The following GPC5 variants were observed in gnomAD, a reference collection of about 807,000 sequenced individuals.
GPC5 encodes glypican-5.
Under a neutral mutation model 53.9 loss-of-function variants are expected in GPC5, and 47 were observed. The ratio of observed to expected loss-of-function variants is 0.87; its 90% CI spans 0.69 to 1.11. The LOEUF (loss-of-function observed/expected upper bound fraction) is 1.11, where lower values mean the gene tolerates loss of function less well. Ranked by LOEUF, GPC5 falls within the 50% of genes most tolerant of loss-of-function variation. GPC5 has a pLI of 0.00. For missense variants in GPC5, 748 were observed against 713.1 expected, an observed-to-expected ratio of 1.05 and a Z score of -0.56; for synonymous variants, 286 against 263.3, an observed-to-expected ratio of 1.09 and a Z score of -0.84.
At chr13:92,600,095 A>C (rs562229894) in intron 7 of GPC5, among the ~76,000 whole-genome samples, 1 of 152,142 alleles carries the variant, frequency 6.6e-6, no homozygotes, top group Non-Finnish European at 1.5e-5. Context: ...TTTTTTATTT[A>C]ATATTTTCTT....
At chr13:92,286,461 A>C (rs12874528) in intron 7 of GPC5, among the ~76,000 whole-genome samples, 12,993 of 152,154 alleles carry the variant, frequency 0.085, 613 homozygotes, top group Middle Eastern at 0.12. Context: ...CACTATTCAC[A>C]ATAGCAAAGA....
chr13:92,625,804 A>T (rs1421864067), intron 7 of GPC5, among the ~76,000 whole-genome samples: 1 of 152,212 alleles, frequency 6.6e-6, no homozygotes, highest in South Asian at 2.1e-4. Context: ...AGGACACATT[A>T]TCTAAGCTTT....
intron 7 of GPC5, among the ~76,000 whole-genome samples, chr13:92,556,879 GTA>G (rs1483195881): frequency 2.6e-4 from 39 of 151,868 alleles, no homozygotes; most frequent in Middle Eastern, 3.4e-3. Context: ...GATAGTCTAT[GTA>G]TTATAGTCTG....
intron 2 of GPC5, among the ~76,000 whole-genome samples, chr13:91,541,939 C>G (rs12583138): frequency 0.44 from 66,450 of 150,590 alleles, 17,934 homozygotes; most frequent in East Asian, 0.7. Flanking sequence ...CTATGTTATT[C>G]TAGTTTACGA....
At chr13:92,816,613 G>T (rs1019403636) in intron 7 of GPC5, among the ~76,000 whole-genome samples, 1 of 151,940 alleles carries the variant, frequency 6.6e-6, no homozygotes, top group Non-Finnish European at 1.5e-5. Context: ...TGTTCTATAC[G>T]TTAGTCAGTG....
intron 7 of GPC5, among the ~76,000 whole-genome samples, chr13:92,527,243 A>AAG (rs1275649268): frequency 1.5e-3 from 56 of 36,634 alleles, no homozygotes; most frequent in African/African-American, 5.4e-3. Context: ...GAAAGAAAGA[A>AAG]AGAAAGAGAA....
intron 7 of GPC5, among the ~76,000 whole-genome samples, chr13:92,584,094 T>C (rs1883458685): frequency 6.6e-6 from 1 of 152,142 alleles, no homozygotes. Flanking sequence ...ATACAGTACA[T>C]TGGTACCAGT....
intron 7 of GPC5, among the ~76,000 whole-genome samples, chr13:92,573,976 A>T (rs1883114049): frequency 6.6e-6 from 1 of 152,114 alleles, no homozygotes; most frequent in South Asian, 2.1e-4. Flanking sequence ...CAGCAATCGC[A>T]CCTTCTCCAA....
intron 5 of GPC5, among the ~76,000 whole-genome samples, chr13:91,792,895 A>G (rs2037989650): frequency 6.6e-6 from 1 of 152,162 alleles, no homozygotes; most frequent in Non-Finnish European, 1.5e-5. Context: ...GAATATCACT[A>G]TACTAAGGAC....
rs1390517051 is a variant in GPC5 at position 92,166,548 on chromosome 13, GTA to G, written c.1561+21560_1561+21561del. Among the ~76,000 whole-genome samples, 244 of 140,918 alleles carry G rather than the reference GTA, an allele frequency of 1.7e-3. 1 individual carries two copies. The highest frequency in any genetic ancestry group is 6.7e-3 in the African/African-American group (225 of 33,766). 92.4% of individuals were successfully genotyped at this position (140,918 alleles called of 152,430 possible). A position where few individuals can be genotyped will look rare whatever the true frequency, so the allele number is the denominator to read the frequency against. On this transcript the variant is annotated intron_variant, in intron 7 of 7. Coordinates refer to ENST00000377067, the MANE Select transcript of GPC5 (RefSeq NM_004466.6). ...ACCGGAGAAACTTCCATTGTCAAAGGTAGTTTCATTAGCCCTAATCTGCTGAA... is the reference window on the plus strand; with the variant it reads ...ACCGGAGAAACTTCCATTGTCAAAGGGTTTCATTAGCCCTAATCTGCTGAA...
intron 2 of GPC5, among the ~76,000 whole-genome samples, chr13:91,525,566 T>C (rs1415425493): frequency 1.3e-5 from 2 of 152,212 alleles, no homozygotes; most frequent in African/African-American, 4.8e-5. Context: ...ACCACCTCTT[T>C]CTGACAATTA....
chr13:92,091,639 C>T (rs150449569), intron 6 of GPC5, among the ~76,000 whole-genome samples: 1,989 of 151,698 alleles, frequency 0.013, 49 homozygotes, highest in African/African-American at 0.045. Context: ...ATAAATGTAC[C>T]ACGAATGACA....
At chr13:92,169,643 A>G (rs1258945809) in intron 7 of GPC5, among the ~76,000 whole-genome samples, 1 of 152,226 alleles carries the variant, frequency 6.6e-6, no homozygotes, top group Non-Finnish European at 1.5e-5. Flanking sequence ...TAAACTTTAT[A>G]TGATAACAAG....
intron 6 of GPC5, among the ~76,000 whole-genome samples, chr13:91,928,854 G>A (rs185754158): frequency 3.2e-4 from 49 of 152,244 alleles, no homozygotes; most frequent in Admixed American, 3.9e-4. Flanking sequence ...GATCTGAGGA[G>A]CAAAGCAGAA....
chr13:92,203,890 C>A (rs535265134), intron 7 of GPC5, among the ~76,000 whole-genome samples: 1 of 150,660 alleles, frequency 6.6e-6, no homozygotes, highest in Non-Finnish European at 1.5e-5. Context: ...TAGAAGCAGG[C>A]CAGAAATAAA....
intron 7 of GPC5, among the ~76,000 whole-genome samples, chr13:92,358,097 C>T (rs1219383496): frequency 1.3e-5 from 2 of 151,690 alleles, no homozygotes; most frequent in Admixed American, 1.3e-4. Flanking sequence ...TAATTACTTC[C>T]AAGATATAAT....
chr13:91,413,034 C>A (rs4773628), intron 1 of GPC5, among the ~76,000 whole-genome samples: 21,699 of 152,172 alleles, frequency 0.14, 2,036 homozygotes, highest in East Asian at 0.19. Context: ...GTAATCTGAG[C>A]ACTTTGGGAG....
intron 7 of GPC5, among the ~76,000 whole-genome samples, chr13:92,267,743 C>T (rs2139150648): frequency 6.6e-6 from 1 of 152,178 alleles, no homozygotes; most frequent in African/African-American, 2.4e-5. Context: ...GGAATACATT[C>T]ACACTTGTTC....
chr13:92,011,812 C>T (rs2040664305), intron 6 of GPC5, among the ~76,000 whole-genome samples: 1 of 152,182 alleles, frequency 6.6e-6, no homozygotes, highest in South Asian at 2.1e-4. Context: ...AATTAGTCTA[C>T]TCGATTTTAC....
Sources: gnomAD v4.1 joint callset for allele counts (sites outside exome capture counted in the v4.1 genomes callset) on GRCh38, gnomAD v4.1.1 for gene constraint, MANE v1.5 for transcripts, NCBI Gene and HGNC (gene_info 2026-07-23, HGNC 2026-07-21) for gene names.